Variants in SH3BGRL2 observed in about 807,000 individuals in gnomAD.
SH3BGRL2 encodes SH3 domain-binding glutamic acid-rich-like protein 2.
Under a neutral mutation model 14.8 loss-of-function variants are expected in SH3BGRL2, and 21 were observed. That is an observed-to-expected ratio of 1.42 (90% CI 1.01 to 2.05). The LOEUF is 2.05. SH3BGRL2 is among the 30% of genes most tolerant of loss of function. The pLI is 0.00. For missense variants in SH3BGRL2, 147 were observed against 130.8 expected (o/e 1.12, Z -0.61); for synonymous variants, 50 against 47.8 (o/e 1.05, Z -0.19).
Position 79,639,744 on chromosome 6 carries a change from T to C in SH3BGRL2, c.45+8238T>C, listed in dbSNP as rs558643663. 1.1e-4 allele frequency among the ~76,000 whole-genome samples: 17 copies of C among 152,334 alleles called. No homozygotes were observed. The South Asian group carries it at 2.9e-3, about 26-fold the overall frequency. On this transcript the variant is annotated intron_variant, in intron 1 of 3. Coordinates refer to ENST00000369838, the MANE Select transcript of SH3BGRL2 (RefSeq NM_031469.4). ...CAAGCTCTAAACTCAGGAGACCCTT[T>C]TAGGCTTCAGGAGTTTTTCAGCAGG...
At chr6:79,561,882 A>G in the SH3BGRL2 span, among the ~76,000 whole-genome samples, 1 of 152,156 alleles carries the variant, frequency 6.6e-6, no homozygotes, top group Non-Finnish European at 1.5e-5. Flanking sequence ...AAATTGGGGT[A>G]CTGAACTTTG....
the SH3BGRL2 span, among the ~76,000 whole-genome samples, chr6:79,578,140 A>G: frequency 6.6e-6 from 1 of 152,264 alleles, no homozygotes; most frequent in Non-Finnish European, 1.5e-5. Context: ...GGCGGAGCCC[A>G]CCACAGCTCA....
At chr6:79,602,491 A>G in the SH3BGRL2 span, among the ~76,000 whole-genome samples, 3 of 152,324 alleles carry the variant, frequency 2.0e-5, no homozygotes, top group Admixed American at 2.0e-4. Flanking sequence ...TTGTCAGTTA[A>G]TCTGCTTAGG....
At chr6:79,686,765 G>A (rs1562158165) in intron 2 of SH3BGRL2, among the ~76,000 whole-genome samples, 1 of 152,152 alleles carries the variant, frequency 6.6e-6, no homozygotes, top group Non-Finnish European at 1.5e-5. Flanking sequence ...TTAGGAGCCA[G>A]CTTGGCTTCC....
chr6:79,549,805 T>A, the SH3BGRL2 span, among the ~76,000 whole-genome samples: 4 of 152,210 alleles, frequency 2.6e-5, no homozygotes, highest in Non-Finnish European at 5.9e-5. Context: ...TGAAATATAT[T>A]ATTTTAGATT....
the SH3BGRL2 span, among the ~76,000 whole-genome samples, chr6:79,565,369 C>T: frequency 6.6e-6 from 1 of 151,970 alleles, no homozygotes; most frequent in African/African-American, 2.4e-5. Context: ...AAATTTAATA[C>T]TAGTTTGTGC....
chr6:79,592,213 T>A, the SH3BGRL2 span, among the ~76,000 whole-genome samples: 1 of 152,184 alleles, frequency 6.6e-6, no homozygotes, highest in Non-Finnish European at 1.5e-5. Context: ...ATGTTGCACT[T>A]GAAGAGGAGT....
the SH3BGRL2 span, among the ~76,000 whole-genome samples, chr6:79,589,553 A>T: frequency 7.2e-5 from 11 of 152,250 alleles, no homozygotes; most frequent in East Asian, 1.5e-3. Flanking sequence ...CTTGTTTATT[A>T]TGGTTTATGG....
the SH3BGRL2 span, among the ~76,000 whole-genome samples, chr6:79,568,330 T>C: frequency 1.3e-5 from 2 of 152,110 alleles, no homozygotes; most frequent in Non-Finnish European, 2.9e-5. Flanking sequence ...TAAAGGACCA[T>C]TGACAGGAGA....
chr6:79,557,884 T>C, the SH3BGRL2 span, among the ~76,000 whole-genome samples: 1 of 152,206 alleles, frequency 6.6e-6, no homozygotes, highest in Admixed American at 6.5e-5. Context: ...TTGGAACTAA[T>C]CAGTCTGGAA....
intron 1 of SH3BGRL2, among the ~76,000 whole-genome samples, chr6:79,670,917 G>A (rs1196792496): frequency 2.0e-5 from 3 of 152,210 alleles, no homozygotes; most frequent in Admixed American, 2.0e-4. Context: ...ATTCATTTAA[G>A]TGAAGCCTTC....
chr6:79,585,061 A>G, the SH3BGRL2 span, among the ~76,000 whole-genome samples: 9 of 151,860 alleles, frequency 5.9e-5, no homozygotes, highest in African/African-American at 2.2e-4. Context: ...TTTTAAAAAA[A>G]AAAATCTAAA....
chr6:79,652,064 A>T (rs1177314131), intron 1 of SH3BGRL2, among the ~76,000 whole-genome samples: 1 of 152,178 alleles, frequency 6.6e-6, no homozygotes, highest in Non-Finnish European at 1.5e-5. Flanking sequence ...GGAGGGCAAA[A>T]TCACCTCCAA....
chr6:79,560,415 G>C, the SH3BGRL2 span, among the ~76,000 whole-genome samples: 3 of 152,154 alleles, frequency 2.0e-5, no homozygotes, highest in South Asian at 6.2e-4. Flanking sequence ...GGTGGTGTGT[G>C]CCTGTAGTCC....
the SH3BGRL2 span, among the ~76,000 whole-genome samples, chr6:79,597,276 GAGAGAGAAAGAA>G: frequency 2.8e-5 from 4 of 145,406 alleles, no homozygotes; most frequent in Non-Finnish European, 4.6e-5. Context: ...AAGAAAGAGA[GAGAGAGAAAGAA>G]AGAGAGAAAG....
chr6:79,542,860 A>C, the SH3BGRL2 span, among the ~76,000 whole-genome samples: 1 of 152,026 alleles, frequency 6.6e-6, no homozygotes, highest in Non-Finnish European at 1.5e-5. Context: ...CTCTCCTCCC[A>C]CCCCGCAAAA....
chr6:79,591,493 C>T, the SH3BGRL2 span, among the ~76,000 whole-genome samples: 5 of 152,232 alleles, frequency 3.3e-5, no homozygotes, highest in Non-Finnish European at 5.9e-5. Flanking sequence ...CTGCAACCTC[C>T]GCCTCCTGGG....
At chr6:79,606,200 C>T in the SH3BGRL2 span, among the ~76,000 whole-genome samples, 30 of 152,068 alleles carry the variant, frequency 2.0e-4, no homozygotes, top group Non-Finnish European at 4.0e-4. Context: ...AGGCATCCAG[C>T]AAGAAAGGAC....
chr6:79,601,993 AGC>A, the SH3BGRL2 span, among the ~76,000 whole-genome samples: 2 of 152,222 alleles, frequency 1.3e-5, no homozygotes, highest in Non-Finnish European at 1.5e-5. Context: ...CAACAGCTTT[AGC>A]TCTGAGCTTC....
Sources: gnomAD v4.1 joint callset for allele counts (sites outside exome capture counted in the v4.1 genomes callset) on GRCh38, gnomAD v4.1.1 for gene constraint, MANE v1.5 for transcripts, NCBI Gene and HGNC (gene_info 2026-07-23, HGNC 2026-07-21) for gene names.